The following ZNF385D variants were observed in gnomAD, a reference collection of about 807,000 sequenced individuals.
ZNF385D encodes zinc finger protein 659.
In ZNF385D, 15 loss-of-function variants were observed where a neutral mutation model predicts 35.8. The ratio of observed to expected loss-of-function variants is 0.42; its 90% CI spans 0.28 to 0.64. The LOEUF is 0.64. Among genes scored for constraint, ZNF385D ranks in the 30% least tolerant of loss-of-function variants. ZNF385D has a pLI of 0.23. For synonymous variants in ZNF385D, 212 were observed against 186.8 expected, an observed-to-expected ratio of 1.13 and a Z score of -1.10; for missense variants, 474 against 494.6, an observed-to-expected ratio of 0.96 and a Z score of 0.39.
chr3:21,936,501 T>C (rs1240387051), intron 3 of ZNF385D, among the ~76,000 whole-genome samples: 2 of 152,110 alleles, frequency 1.3e-5, no homozygotes, highest in Non-Finnish European at 2.9e-5. Context: ...ACAATTTAAA[T>C]TGGTGTCTTT....
At chr3:21,665,783 C>T (rs995010477) in intron 1 of ZNF385D, among the ~76,000 whole-genome samples, 7 of 152,076 alleles carry the variant, frequency 4.6e-5, no homozygotes, top group African/African-American at 1.7e-4. Flanking sequence ...TACATTTGCC[C>T]CGTTATAGGA....
intron 3 of ZNF385D, among the ~76,000 whole-genome samples, chr3:21,814,271 T>A (rs986766304): frequency 6.6e-6 from 1 of 152,038 alleles, no homozygotes; most frequent in Non-Finnish European, 1.5e-5. Flanking sequence ...ACCATCGATG[T>A]TAGGAAGAAA....
At chr3:21,863,273 AAATTTT>A (rs1441059900) in intron 3 of ZNF385D, among the ~76,000 whole-genome samples, 2 of 152,154 alleles carry the variant, frequency 1.3e-5, no homozygotes, top group African/African-American at 4.8e-5. Flanking sequence ...TCATTCGTTT[AAATTTT>A]ATCAAATTAG....
In ZNF385D at chr3:22,041,588, G is replaced by A. The variant is rs946471719; in HGVS notation, c.325+127229C>T. 1.2e-4 allele frequency among the ~76,000 whole-genome samples: 18 copies of A among 152,108 alleles called. 1 individual carries two copies. Among genetic ancestry groups the A allele is most frequent in the African/African-American group, 4.3e-4 (18 of 41,416 alleles). On this transcript the variant is annotated intron_variant, in intron 3 of 5. Transcript: ENST00000494108. Reference sequence around the variant, plus strand: ...GGGGTTTTTGATGCCATTAAACTCAGTATAAACCAACTGGGTGATCTGAAC... The same window carrying A: ...GGGGTTTTTGATGCCATTAAACTCAATATAAACCAACTGGGTGATCTGAAC...
chr3:22,255,429 C>T (rs778285360), intron 2 of ZNF385D, among the ~76,000 whole-genome samples: 2 of 151,808 alleles, frequency 1.3e-5, no homozygotes, highest in Non-Finnish European at 2.9e-5. Flanking sequence ...ACACACTTAA[C>T]ATTTTGGGGA....
At chr3:22,123,507 C>T (rs1703221616) in intron 3 of ZNF385D, among the ~76,000 whole-genome samples, 1 of 152,140 alleles carries the variant, frequency 6.6e-6, no homozygotes, top group African/African-American at 2.4e-5. Flanking sequence ...TTGTTACAAA[C>T]TTTCCAATTG....
intron 2 of ZNF385D, among the ~76,000 whole-genome samples, chr3:22,197,103 G>C (rs1226941566): frequency 6.6e-6 from 1 of 151,956 alleles, no homozygotes; most frequent in East Asian, 1.9e-4. Flanking sequence ...TTTTTAGTCT[G>C]ATGTTTTGTT....
chr3:21,566,139 G>A (rs1559412565), intron 2 of ZNF385D, among the ~76,000 whole-genome samples: 1 of 152,132 alleles, frequency 6.6e-6, no homozygotes, highest in East Asian at 1.9e-4. Context: ...TTATTATAAT[G>A]CTTTCCATAG....
At chr3:21,545,711 C>T (rs1209938824) in intron 3 of ZNF385D, among the ~76,000 whole-genome samples, 4 of 152,138 alleles carry the variant, frequency 2.6e-5, no homozygotes, top group South Asian at 2.1e-4. Context: ...GAGTCAAGTT[C>T]GACTTACAGA....
At chr3:22,060,734 G>C (rs1223441614) in intron 3 of ZNF385D, among the ~76,000 whole-genome samples, 1 of 151,966 alleles carries the variant, frequency 6.6e-6, no homozygotes, top group Non-Finnish European at 1.5e-5. Flanking sequence ...GATTATTATT[G>C]GGTTAGCACT....
At chr3:22,011,429 C>G (rs542285197) in intron 3 of ZNF385D, among the ~76,000 whole-genome samples, 6 of 152,178 alleles carry the variant, frequency 3.9e-5, no homozygotes, top group South Asian at 2.1e-4. Context: ...TTATTCATTT[C>G]TTCACACTGA....
chr3:21,757,025 G>C (rs905728368), intron 3 of ZNF385D, among the ~76,000 whole-genome samples: 2 of 148,340 alleles, frequency 1.3e-5, no homozygotes, highest in Non-Finnish European at 3.0e-5. Flanking sequence ...CAAGAAAAAA[G>C]TACTAACATT....
chr3:21,866,338 C>T (rs1229573024), intron 3 of ZNF385D, among the ~76,000 whole-genome samples: 1 of 152,052 alleles, frequency 6.6e-6, no homozygotes, highest in Non-Finnish European at 1.5e-5. Flanking sequence ...CCTGTAATCG[C>T]AGCTACTTGG....
intron 2 of ZNF385D, among the ~76,000 whole-genome samples, chr3:21,614,082 A>G (rs2064769885): frequency 6.6e-6 from 1 of 152,182 alleles, no homozygotes; most frequent in African/African-American, 2.4e-5. Flanking sequence ...ATGTTGTTGT[A>G]TTAGTTTTCT....
chr3:21,521,658 G>A (rs186430770), intron 3 of ZNF385D, among the ~76,000 whole-genome samples: 122 of 152,168 alleles, frequency 8.0e-4, no homozygotes, highest in African/African-American at 2.9e-3. Flanking sequence ...GGAGGCTGAG[G>A]TAGGAAGATC....
chr3:21,556,872 T>C (rs2062758910), intron 3 of ZNF385D, among the ~76,000 whole-genome samples: 1 of 152,240 alleles, frequency 6.6e-6, no homozygotes, highest in Non-Finnish European at 1.5e-5. Context: ...TAGTTATCCT[T>C]GAAAAGGTCC....
chr3:21,715,360 G>C (rs926614380), intron 1 of ZNF385D, among the ~76,000 whole-genome samples: 1 of 151,686 alleles, frequency 6.6e-6, no homozygotes, highest in Non-Finnish European at 1.5e-5. Flanking sequence ...TTGTCTTTCT[G>C]TGTCTGCCTA....
exon 2 of ZNF385D, chr3:22,372,556 C>A (rs771321538): frequency 1.0e-6 from 1 of 985,694 alleles, no homozygotes; most frequent in African/African-American, 1.7e-5. Context: ...GCCCTGGCAT[C>A]CGGGAGGAGC....
chr3:22,298,394 G>GTA (rs1187326243), intron 2 of ZNF385D, among the ~76,000 whole-genome samples: 49 of 135,586 alleles, frequency 3.6e-4, no homozygotes, highest in African/African-American at 1.1e-3. Flanking sequence ...GTGTGTGTGT[G>GTA]TATATATATG....
Sources: gnomAD v4.1 joint callset for allele counts (sites outside exome capture counted in the v4.1 genomes callset) on GRCh38, gnomAD v4.1.1 for gene constraint, MANE v1.5 for transcripts, NCBI Gene and HGNC (gene_info 2026-07-23, HGNC 2026-07-21) for gene names.